GLT8D1: variants seen among roughly 807,000 people sequenced by gnomAD.
GLT8D1 encodes glycosyltransferase 8 domain containing 1, also known as glycosyltransferase 8 domain-containing protein 1.
Under a neutral mutation model 46.2 loss-of-function variants are expected in GLT8D1, and 41 were observed. That is an observed-to-expected ratio of 0.89 (90% CI 0.69 to 1.15). GLT8D1 has a LOEUF of 1.15. Among genes scored for constraint, GLT8D1 ranks in the 50% most tolerant of loss-of-function variants. GLT8D1 has a pLI of 0.00. For missense variants in GLT8D1, 408 were observed against 449.3 expected (o/e 0.91, Z 0.83); for synonymous variants, 150 against 154.2 (o/e 0.97, Z 0.20).
At chr3:52,702,083 TCTAA>T (rs1276990460) in intron 1 of GLT8D1, among the ~76,000 whole-genome samples, 2 of 152,188 alleles carry the variant, frequency 1.3e-5, no homozygotes, top group Admixed American at 6.5e-5. Flanking sequence ...CAGGCTGGCC[TCTAA>T]CTCCTAGGCT....
chr3:52,696,328 G>C lies in GLT8D1; in HGVS notation c.448-10C>G, dbSNP rs979357568. 2 of 1,592,430 alleles carry C rather than the reference G, an allele frequency of 1.3e-6. No homozygotes were observed. The highest frequency in any genetic ancestry group is 1.7e-6 in the Non-Finnish European group (2 of 1,160,178). ...ACCTTGCAAAGGTTAACTGGAAAAG[G>C]AAAGAATAATTGGCATAGGATACCG... On this transcript the variant is annotated splice_polypyrimidine_tract_variant and intron_variant, in intron 5 of 9. Coordinates refer to ENST00000266014, the MANE Select transcript of GLT8D1 (RefSeq NM_018446.4).
At position 52,700,331 on chromosome 3, in the gene GLT8D1, C is replaced by T. The variant is rs1216199977; in HGVS notation, c.46G>A (p.Ala16Thr). Residue 16 changes from alanine (A) to threonine (T), a missense_variant, in exon 3 of 10, where the codon GCT becomes ACT. Transcript: ENST00000266014. ...VNIIILVLAV[A>T]LFLLVLHHNF... is the part of the protein sequence containing the mutation. ...TGGTGCAAAACCAGTAAGAAGAGAG[C>T]AACAGCCAGGACCAAGATGATGATG... is the stretch of plus-strand genomic sequence containing the variant. 6.2e-7 allele frequency: 1 copy of T among 1,613,588 alleles called. No homozygotes were observed. Among genetic ancestry groups the T allele is most frequent in the Non-Finnish European group, 8.5e-7 (1 of 1,179,582 alleles).
chr3:52,695,308 T>G lies in GLT8D1; in HGVS notation c.813-6A>C. On this transcript the variant is annotated splice_polypyrimidine_tract_variant and splice_region_variant and intron_variant, in intron 8 of 9. Transcript: ENST00000266014. ...TTCTGCTATACAGTCCCTCTCTTGG[T>G]GGGACAGAAAACAAATGTTTGTTAG... 1 of 1,596,654 alleles carries G rather than the reference T, an allele frequency of 6.3e-7. No homozygotes were observed. The highest frequency in any genetic ancestry group is 8.6e-7 in the Non-Finnish European group (1 of 1,165,456).
At chr3:52,700,389 T>C (rs1224965061) in intron 2 of GLT8D1, 29 bp from the exon 3 acceptor site, 11 of 1,595,482 alleles carry the variant, frequency 6.9e-6, no homozygotes, top group Admixed American at 5.0e-5. Flanking sequence ...ACCTATGTTA[T>C]ACCTCTTTAT....
Position 52,696,282 on chromosome 3 carries a change from G to T in GLT8D1, c.484C>A (p.Pro162Thr), listed in dbSNP as rs1561263626. ...FARFYLPILV[P>T]SAKKAIYMDD... The stretch of plus-strand genomic sequence containing the variant: ...ATGTATATGGCCTTCTTTGCGCTGG[G>T]AACCAGAATTGGCAAGTAGAACCTT... Residue 162 changes from proline to threonine, a missense_variant, in exon 6 of 10, where the codon CCC becomes ACC. Coordinates refer to ENST00000266014, the MANE Select transcript of GLT8D1 (RefSeq NM_018446.4). 1.2e-6 allele frequency: 2 copies of T among 1,612,632 alleles called. No homozygotes were observed. Among genetic ancestry groups the T allele is most frequent in the Admixed American group, 1.7e-5 (1 of 60,006 alleles).
chr3:52,697,772 G>A lies in GLT8D1; in HGVS notation c.278C>T (p.Ser93Phe), dbSNP rs905834266. Residue 93 changes from serine (S) to phenylalanine (F), a missense_variant, in exon 4 of 10, where the codon TCC becomes TTC. By Grantham distance (155) the Ser-to-Phe change is radical. Transcript: ENST00000266014. Reference sequence around the variant, plus strand: ...AGTAACAATGTAGAAAATCACATTGGAGCGAGTGTTGTGCTGAATGCTGTT... The same window carrying A: ...AGTAACAATGTAGAAAATCACATTGAAGCGAGTGTTGTGCTGAATGCTGTT... ...AINSIQHNTR[S>F]NVIFYIVTLN... The A allele has an allele frequency of 1.9e-6, 3 of 1,613,662 alleles. No homozygotes were observed. The African/African-American group carries it at 4.0e-5, about 22-fold the overall frequency.
At chr3:52,695,764 C>T (rs370311613) in intron 7 of GLT8D1, 164 bp downstream of exon 7, 1 of 638,338 alleles carries the variant, frequency 1.6e-6, no homozygotes, top group Non-Finnish European at 2.8e-6. Context: ...TGTTCAAGAA[C>T]AATTAGGCTG....
At chr3:52,700,037 A>G (rs373800097) in intron 3 of GLT8D1, among the ~76,000 whole-genome samples, 1 of 152,242 alleles carries the variant, frequency 6.6e-6, no homozygotes, top group African/African-American at 2.4e-5. Context: ...GGACACTGGT[A>G]TGCCCTCACT....
chr3:52,701,407 C>T (rs1283720747), intron 1 of GLT8D1: 3 of 151,908 alleles, frequency 2.0e-5, no homozygotes, highest in Non-Finnish European at 1.5e-5. Context: ...CTTGTTCTGT[C>T]GTCCAGGCTG....
At chr3:52,695,070 G>T in intron 9 of GLT8D1, 35 bp from the exon 10 acceptor site, 1 of 1,526,052 alleles carries the variant, frequency 6.6e-7, no homozygotes, top group Non-Finnish European at 9.1e-7. Flanking sequence ...ACATCGTTGC[G>T]CCATGTGAAA....
intron 1 of GLT8D1, chr3:52,703,350 G>T (rs1358143343): frequency 6.6e-6 from 1 of 151,140 alleles, no homozygotes; most frequent in African/African-American, 2.4e-5. Context: ...CTTGAACCCG[G>T]GAGGCGGAGG....
chr3:52,700,687 T>A (rs1249407541), intron 1 of GLT8D1, 191 bp from the exon 2 acceptor site: 2 of 450,730 alleles, frequency 4.4e-6, no homozygotes, highest in Non-Finnish European at 7.9e-6. Context: ...TGGTACTCAT[T>A]AATAAAAAAC....
chr3:52,695,298 CCT>C lies in GLT8D1; in HGVS notation c.815_816del (p.Glu272GlyfsTer4). 6.2e-7 allele frequency: 1 copy of C among 1,609,556 alleles called. No homozygotes were observed. Among genetic ancestry groups the C allele is most frequent in the Non-Finnish European group, 8.5e-7 (1 of 1,176,778 alleles). On this transcript the variant is annotated frameshift_variant and splice_region_variant, in exon 9 of 10. Transcript: ENST00000266014. LOFTEE classifies it high-confidence loss of function. ...LEKWMKLNVE[E>X]GLYSRTLAGS... is the part of the protein sequence containing the mutation. ...CCAGCCAGGGTTCTGCTATACAGTC[CCT>C]CTCTTGGTGGGACAGAAAACAAATG...
intron 1 of GLT8D1, 193 bp downstream of exon 1, chr3:52,705,254 G>A (rs1035012167): frequency 6.6e-6 from 1 of 152,282 alleles, no homozygotes; most frequent in Admixed American, 6.5e-5. Flanking sequence ...GCCCAGCCTG[G>A]GTCTGTGAGG....
At chr3:52,699,429 C>T (rs903246144) in intron 3 of GLT8D1, among the ~76,000 whole-genome samples, 5 of 152,012 alleles carry the variant, frequency 3.3e-5, no homozygotes, top group Non-Finnish European at 7.4e-5. Flanking sequence ...GGACTACAGG[C>T]GCATACCACC....
At position 52,700,494 on chromosome 3, in the gene GLT8D1, A is replaced by C; in HGVS notation, c.-34T>G. On this transcript the variant is annotated splice_region_variant and 5_prime_UTR_variant, in exon 2 of 10. Coordinates refer to ENST00000266014, the MANE Select transcript of GLT8D1 (RefSeq NM_018446.4). ...TCTGTCATATAAATATTAGTTTTTA[A>C]CCCTACAAAACAAAAACAAGCCCCC... is the stretch of plus-strand genomic sequence containing the variant. 6.7e-7 allele frequency: 1 copy of C among 1,502,582 alleles called. No homozygotes were observed. Among genetic ancestry groups the C allele is most frequent in the Non-Finnish European group, 9.2e-7 (1 of 1,088,380 alleles). 93.1% of individuals were successfully genotyped at this position (1,502,582 alleles called of 1,614,324 possible).
chr3:52,701,780 T>A (rs2097339634), intron 1 of GLT8D1, among the ~76,000 whole-genome samples: 1 of 152,268 alleles, frequency 6.6e-6, no homozygotes. Context: ...CCTCAGCTCA[T>A]CTGACCTTCA....
In GLT8D1 at chr3:52,700,444, C is replaced by A; in HGVS notation, c.16+1G>T. ...CAACTTAACTTGTAGAAAGAGCATACCTTTACGGAATGACATCTTTTTCTT... is the reference window on the plus strand; with the variant it reads ...CAACTTAACTTGTAGAAAGAGCATAACTTTACGGAATGACATCTTTTTCTT... On this transcript the variant is annotated splice_donor_variant, in intron 2 of 9. Transcript: ENST00000266014. LOFTEE classifies it high-confidence loss of function. The A allele has an allele frequency of 1.3e-6, 2 of 1,596,114 alleles. No homozygotes were observed. The highest frequency in any genetic ancestry group is 1.7e-6 in the Non-Finnish European group (2 of 1,164,900).
chr3:52,702,533 G>A (rs972471435), intron 1 of GLT8D1, among the ~76,000 whole-genome samples: 2 of 151,654 alleles, frequency 1.3e-5, no homozygotes, highest in Non-Finnish European at 2.9e-5. Context: ...GTGACAAAGC[G>A]ACACCCTGTC....
Sources: allele counts gnomAD v4.1 joint callset (sites outside exome capture counted in the v4.1 genomes callset), GRCh38; gene constraint gnomAD v4.1.1; transcripts MANE v1.5; gene names NCBI Gene and HGNC (gene_info 2026-07-23, HGNC 2026-07-21).